JAG2: variants seen among roughly 807,000 people sequenced by gnomAD.
JAG2 encodes the protein protein jagged-2.
JAG2 carries 46 observed loss-of-function variants against 141.7 expected under a neutral mutation model. That is an observed-to-expected ratio of 0.32 (90% CI 0.26 to 0.42). JAG2 has a LOEUF of 0.42. Ranked by LOEUF, JAG2 falls within the 10% of genes least tolerant of loss-of-function variation. JAG2 has a pLI of 1.00. For synonymous variants in JAG2, 862 were observed against 763.5 expected (o/e 1.13, Z -2.13); for missense variants, 1,500 against 1,817.5 (o/e 0.83, Z 3.18).
intron 20 of JAG2, 75 bp from the exon 21 acceptor site, chr14:105,146,799 G>A (rs1888239097): frequency 9.0e-6 from 11 of 1,218,448 alleles, no homozygotes; most frequent in South Asian, 6.3e-5. Flanking sequence ...CTAGGGCAGC[G>A]GGGAGCCAGT....
chr14:105,164,677 T>C (rs1941722269), intron 2 of JAG2, among the ~76,000 whole-genome samples: 1 of 151,832 alleles, frequency 6.6e-6, no homozygotes, highest in Non-Finnish European at 1.5e-5. Flanking sequence ...GTGGGCTCTG[T>C]AAAAACCTTC....
intron 2 of JAG2, among the ~76,000 whole-genome samples, chr14:105,164,571 T>C (rs1253791092): frequency 2.0e-5 from 3 of 152,196 alleles, no homozygotes; most frequent in Non-Finnish European, 4.4e-5. Context: ...AGCAGAGTGG[T>C]GCTGAACCTC....
chr14:105,163,899 T>A (rs1201394634), intron 2 of JAG2, among the ~76,000 whole-genome samples: 1 of 152,036 alleles, frequency 6.6e-6, no homozygotes, highest in African/African-American at 2.4e-5. Context: ...ATAGCGACTG[T>A]GGCTGGGGCC....
rs2140973513 is a variant in JAG2 at position 105,147,493 on chromosome 14, C to T, written c.2393+7G>A. The T allele has an allele frequency of 6.2e-7, 1 of 1,611,932 alleles. No individual in the cohort carries two copies. The highest frequency in any genetic ancestry group is 2.2e-5 in the East Asian group (1 of 44,882). The stretch of plus-strand genomic sequence containing the variant: ...ACCCCTGCTGTGGCCCCCAGGGTGC[C>T]ACTCACCAAGGCAGAGGGTTGCAGT... On this transcript the variant is annotated splice_region_variant and intron_variant, in intron 19 of 25. Coordinates refer to ENST00000331782, the MANE Select transcript of JAG2 (RefSeq NM_002226.5).
rs1009967574 is a variant in JAG2, at chr14:105,150,170, G to A, written c.1602+434C>T. ...GGTCCAGTACCAACAGATGGTCAGA[G>A]GGAGGCGAGAGCATCAGCCCTGAGA... is the stretch of plus-strand genomic sequence containing the variant. On this transcript the variant is annotated intron_variant, in intron 12 of 25. Coordinates refer to ENST00000331782, the MANE Select transcript of JAG2 (RefSeq NM_002226.5). Among the ~76,000 whole-genome samples the A allele has an allele frequency of 5.3e-5, 8 of 151,530 alleles. No individual in the cohort carries two copies. In the East Asian group the frequency reaches 1.2e-3, roughly 22 times the overall value.
rs957073615 is a variant in JAG2, at chr14:105,141,167, T to G, written c.*1528A>C. ...AGCAGGGTAAAGACTTGCACATCAC[T>G]GACAGGCGGCTCGGAGTCAGCCTTG... On this transcript the variant is annotated 3_prime_UTR_variant, in exon 26 of 26. Coordinates refer to ENST00000331782, the MANE Select transcript of JAG2 (RefSeq NM_002226.5). 2.6e-5 allele frequency: 4 copies of G among 152,156 alleles called. No individual in the cohort carries two copies. The highest frequency in any genetic ancestry group is 9.7e-5 in the African/African-American group (4 of 41,418). 9.4% of individuals were successfully genotyped at this position (152,156 alleles called of 1,614,324 possible). A position where few individuals can be genotyped will look rare whatever the true frequency, so the allele number is the denominator to read the frequency against.
In JAG2 at chr14:105,147,480, G is replaced by T; in HGVS notation, c.2393+20C>A. On this transcript the variant is annotated intron_variant, in intron 19 of 25. Transcript: ENST00000331782. ...CCAAGTCCCACCCACCCCTGCTGTGGCCCCCAGGGTGCCACTCACCAAGGC... is the reference window on the plus strand; with the variant it reads ...CCAAGTCCCACCCACCCCTGCTGTGTCCCCCAGGGTGCCACTCACCAAGGC... 3 of 1,610,334 alleles carry T rather than the reference G, an allele frequency of 1.9e-6. No homozygotes were observed. Among genetic ancestry groups the T allele is most frequent in the Non-Finnish European group, 2.5e-6 (3 of 1,177,698 alleles).
chr14:105,148,622 C>T (rs919051478), intron 15 of JAG2, 123 bp downstream of exon 15: 3 of 989,604 alleles, frequency 3.0e-6, no homozygotes, highest in African/African-American at 3.2e-5. Flanking sequence ...GGTGGCAGCA[C>T]CCCCTGGCCA....
chr14:105,159,718 A>AC (rs1258641469), intron 2 of JAG2, among the ~76,000 whole-genome samples: 2 of 15,158 alleles, frequency 1.3e-4, no homozygotes, highest in Non-Finnish European at 1.2e-4. Flanking sequence ...CTCCATCCAC[A>AC]CCCCCCCAGA....
In JAG2 at chr14:105,155,988, C is replaced by T. The variant is rs755251181; in HGVS notation, c.477G>A (p.Glu159=). ...WDWDNDTTPN[E]ELLIERVSHA... is the part of the protein sequence containing the mutation. ...GCGACACTCGCTCGATCAGCAGCTC[C>T]TCTTGGGGAGGCGGCAGAGTCAGCA... The change falls in exon 4 of 26, where the codon GAG becomes GAA. Residue 159 remains glutamate (E), a splice_region_variant and synonymous_variant. Transcript: ENST00000331782. 6.2e-7 allele frequency: 1 copy of T among 1,603,512 alleles called. No individual in the cohort carries two copies. The highest frequency in any genetic ancestry group is 1.7e-5 in the Admixed American group (1 of 59,994).
intron 20 of JAG2, 183 bp downstream of exon 20, chr14:105,147,143 G>A (rs1337813681): frequency 3.1e-6 from 2 of 646,864 alleles, no homozygotes; most frequent in East Asian, 2.7e-5. Flanking sequence ...TAATCACTTG[G>A]CAGGGTATAC....
intron 5 of JAG2, among the ~76,000 whole-genome samples, chr14:105,152,773 G>A (rs373952429): frequency 1.3e-4 from 20 of 152,096 alleles, no homozygotes; most frequent in East Asian, 7.7e-4. Context: ...CATTTCGCTC[G>A]CTCCCAGTAA....
chr14:105,146,835 A>G (rs1317084987), intron 20 of JAG2, 111 bp from the exon 21 acceptor site: 1 of 871,304 alleles, frequency 1.1e-6, no homozygotes, highest in Non-Finnish European at 1.9e-6. Flanking sequence ...GCCCCAGGAC[A>G]ATGAGGAGCA....
At position 105,143,072 on chromosome 14, in the gene JAG2, C is replaced by T. The variant is rs373863344; in HGVS notation, c.3340G>A (p.Glu1114Lys). ...TCCTCCCGCGGCAGCCGGCTCCTCT[C>T]CCGCTCTTTCCTGCGCTTGCGTGTC... is the stretch of plus-strand genomic sequence containing the variant. The part of the protein sequence containing the change: ...WWTRKRRKER[E>K]RSRLPREESA... Residue 1114 changes from glutamate to lysine, a missense_variant, in exon 26 of 26, where the codon GAG becomes AAG. Glu to Lys is a moderately conservative substitution (Grantham distance 56). This residue lies in a region of JAG2 where 425 missense variants were observed against 441.0 expected (regional missense o/e 0.96). Transcript: ENST00000331782. 3.7e-6 allele frequency: 6 copies of T among 1,601,084 alleles called. No homozygotes were observed. The highest frequency in any genetic ancestry group is 5.1e-6 in the Non-Finnish European group (6 of 1,179,530).
In JAG2 at chr14:105,149,061, C is replaced by A. The variant is rs984510834; in HGVS notation, c.1782G>T (p.Gly594=). 3.7e-6 allele frequency: 6 copies of A among 1,609,608 alleles called. No individual in the cohort carries two copies. The African/African-American group carries it at 8.0e-5, about 22-fold the overall frequency. The change falls in exon 14 of 26, where the codon GGG becomes GGT. Residue 594 remains glycine, a synonymous_variant. Coordinates refer to ENST00000331782, the MANE Select transcript of JAG2 (RefSeq NM_002226.5). ...RVIDGCGSDA[G]PGMPGTAASG... is the part of the protein sequence containing the mutation. ...AGGCTGCTGTGCCAGGCATCCCAGG[C>A]CCCGCGTCTGACCCGCAGCCATCGA...
chr14:105,148,981 GA>G lies in JAG2; in HGVS notation c.1861del (p.Ser621ProfsTer141). ...RCVSQPGGNF[S>X]CICDSGFTGT... The stretch of plus-strand genomic sequence containing the variant: ...AGTAAAGCCACTGTCACAGATGCAG[GA>G]AAAGTTGCCCCCTGGCTGGCTGACG... On this transcript the variant is annotated frameshift_variant, in exon 14 of 26. Coordinates refer to ENST00000331782, the MANE Select transcript of JAG2 (RefSeq NM_002226.5). LOFTEE classifies it high-confidence loss of function. 6.2e-7 allele frequency: 1 copy of G among 1,608,102 alleles called. No individual in the cohort carries two copies. The highest frequency in any genetic ancestry group is 8.5e-7 in the Non-Finnish European group (1 of 1,177,880).
At chr14:105,146,790 T>G in intron 20 of JAG2, 66 bp from the exon 21 acceptor site, 1 of 1,307,424 alleles carries the variant, frequency 7.6e-7, no homozygotes, top group Non-Finnish European at 1.1e-6. Flanking sequence ...CGGCATGGCC[T>G]AGGGCAGCGG....
rs761907635 is a variant in JAG2 at position 105,148,818 on chromosome 14, G to A, written c.1947C>T (p.Gly649=). The change falls in exon 15 of 26, where the codon GGC becomes GGT. Residue 649 remains glycine, a synonymous_variant. Transcript: ENST00000331782. Reference sequence around the variant, plus strand: ...AGGCGTCCACCTCATCGATGCATGTGCCCCCATTGCGGCAGGGCTGGCCCA... The same window carrying A: ...AGGCGTCCACCTCATCGATGCATGTACCCCCATTGCGGCAGGGCTGGCCCA... ...DCLGQPCRNG[G]TCIDEVDAFR... is the part of the protein sequence containing the mutation. The A allele has an allele frequency of 2.5e-6, 4 of 1,598,916 alleles. No individual in the cohort carries two copies. The highest frequency in any genetic ancestry group is 2.6e-6 in the Non-Finnish European group (3 of 1,173,440).
At chr14:105,150,168 G>A (rs1595177811) in intron 12 of JAG2, among the ~76,000 whole-genome samples, 2 of 151,502 alleles carry the variant, frequency 1.3e-5, no homozygotes, top group South Asian at 4.2e-4. Flanking sequence ...CAGATGGTCA[G>A]AGGGAGGCGA....
Sources: gnomAD v4.1 joint callset for allele counts (sites outside exome capture counted in the v4.1 genomes callset) on GRCh38, gnomAD v4.1.1 for gene constraint, gnomAD v4.1.1 regional missense constraint, MANE v1.5 for transcripts, NCBI Gene and HGNC (gene_info 2026-07-23, HGNC 2026-07-21) for gene names.